EXT2: variants seen among roughly 807,000 people sequenced by gnomAD.
EXT2 encodes the protein exostosin-2.
In EXT2, 53 loss-of-function variants were observed where a neutral mutation model predicts 81.6. The ratio of observed to expected loss-of-function variants is 0.65; its 90% CI spans 0.52 to 0.82. The LOEUF is 0.82. Ranked by LOEUF, EXT2 falls within the 40% of genes least tolerant of loss-of-function variation. The probability of loss-of-function intolerance (pLI) is 0.00; values close to 1 mark genes in which losing one functional copy is unlikely to be tolerated. For missense variants in EXT2, 774 were observed against 910.2 expected (o/e 0.85, Z 1.93); for synonymous variants, 320 against 340.0 (o/e 0.94, Z 0.65).
At chr11:44,210,516 C>A (rs1435104970) in intron 10 of EXT2, among the ~76,000 whole-genome samples, 1 of 151,992 alleles carries the variant, frequency 6.6e-6, no homozygotes, top group Non-Finnish European at 1.5e-5. Flanking sequence ...CTGTAAAGGG[C>A]AGGAGGGACG....
intron 2 of EXT2, 41 bp from the exon 3 acceptor site, chr11:44,109,153 G>A (rs1467742516): frequency 3.1e-6 from 5 of 1,601,418 alleles, no homozygotes; most frequent in African/African-American, 1.3e-5. Context: ...TCTTTTCATA[G>A]TTGACACATT....
At chr11:44,195,786 T>C (rs966745481) in intron 8 of EXT2, among the ~76,000 whole-genome samples, 2 of 152,218 alleles carry the variant, frequency 1.3e-5, no homozygotes, top group African/African-American at 4.8e-5. Context: ...CTCAGCCACC[T>C]TCTGGCAAAG....
intron 8 of EXT2, among the ~76,000 whole-genome samples, chr11:44,179,859 C>A (rs1955210555): frequency 6.6e-6 from 1 of 151,854 alleles, no homozygotes; most frequent in South Asian, 2.1e-4. Context: ...TTTTGTGTCT[C>A]CCAATTGATT....
At chr11:44,101,825 A>G (rs183417740) in intron 1 of EXT2, among the ~76,000 whole-genome samples, 2 of 152,214 alleles carry the variant, frequency 1.3e-5, no homozygotes, top group African/African-American at 4.8e-5. Context: ...CATAGTGCCC[A>G]GAATGGGCAG....
intron 13 of EXT2, among the ~76,000 whole-genome samples, chr11:44,243,203 T>G (rs1956056644): frequency 6.6e-6 from 1 of 152,204 alleles, no homozygotes; most frequent in African/African-American, 2.4e-5. Context: ...TGAGGTCCCC[T>G]TGACTTCAAA....
In EXT2 at chr11:44,232,442, T is replaced by C; in HGVS notation, c.1752T>C (p.Ser584=). 1 of 1,614,076 alleles carries C rather than the reference T, an allele frequency of 6.2e-7. No homozygotes were observed. The highest frequency in any genetic ancestry group is 8.5e-7 in the Non-Finnish European group (1 of 1,179,970). Residue 584 remains serine (S), a synonymous_variant, in exon 11 of 14, where the codon TCT becomes TCC. Transcript: ENST00000533608. ...DHEMNKWKYE[S]EWTNEVSMVL... is the part of the protein sequence containing the mutation. Reference sequence around the variant, plus strand: ...AGATGAATAAGTGGAAGTATGAGTCTGAGTGGACGAATGAAGTGTCCATGG... The same window carrying C: ...AGATGAATAAGTGGAAGTATGAGTCCGAGTGGACGAATGAAGTGTCCATGG...
In EXT2 at chr11:44,245,484, G is replaced by A. The variant is rs4755793; in HGVS notation, c.*1197G>A. ...AGTTGATGAACAAATCTACCCTGGC[G>A]AATGTTAAATGTTATGGATTCGAAA... is the stretch of plus-strand genomic sequence containing the variant. On this transcript the variant is annotated 3_prime_UTR_variant, in exon 14 of 14. Coordinates refer to ENST00000533608, the MANE Select transcript of EXT2 (RefSeq NM_207122.2). The A allele has an allele frequency of 0.9, 164,600 of 181,898 alleles. 74,575 individuals carry two copies. Among genetic ancestry groups the A allele is most frequent in the East Asian group, 0.99 (11,077 of 11,152 alleles). The allele number at this position is 181,898 out of a possible 1,614,324, so 11.3% of individuals were successfully genotyped here.
intron 7 of EXT2, among the ~76,000 whole-genome samples, chr11:44,152,202 C>T (rs956409524): frequency 1.3e-5 from 2 of 152,154 alleles, no homozygotes; most frequent in South Asian, 2.1e-4. Context: ...TGTTGCACAT[C>T]AGGAGTGTTT....
chr11:44,211,518 C>G (rs771355922), intron 10 of EXT2, among the ~76,000 whole-genome samples: 12 of 151,988 alleles, frequency 7.9e-5, no homozygotes, highest in Non-Finnish European at 1.8e-4. Context: ...ATCTAGAGGG[C>G]AGGCACAAAA....
At chr11:44,190,784 G>C (rs928362840) in intron 8 of EXT2, among the ~76,000 whole-genome samples, 2 of 152,166 alleles carry the variant, frequency 1.3e-5, no homozygotes, top group Non-Finnish European at 2.9e-5. Context: ...GCTAGCAAAG[G>C]CCACCCGTTT....
chr11:44,174,910 G>T (rs1955137168), intron 8 of EXT2, among the ~76,000 whole-genome samples: 1 of 152,194 alleles, frequency 6.6e-6, no homozygotes, highest in South Asian at 2.1e-4. Flanking sequence ...GTTCAGTGTG[G>T]CAACAGTGAA....
chr11:44,134,396 G>A (rs1392047449), intron 7 of EXT2, among the ~76,000 whole-genome samples: 3 of 152,178 alleles, frequency 2.0e-5, no homozygotes, highest in East Asian at 1.9e-4. Context: ...AGATGATGCC[G>A]ATATTTCTAG....
At chr11:44,207,090 A>C in intron 10 of EXT2, 131 bp downstream of exon 10, 1 of 1,027,460 alleles carries the variant, frequency 9.7e-7, no homozygotes, top group Non-Finnish European at 1.5e-6. Context: ...TAGAGTCCAA[A>C]AGGTGTGCGT....
chr11:44,199,613 G>C (rs138101402), intron 9 of EXT2, among the ~76,000 whole-genome samples: 14 of 152,252 alleles, frequency 9.2e-5, no homozygotes, highest in Non-Finnish European at 2.1e-4. Flanking sequence ...TGCAAAAGAG[G>C]CTTCTCCTTA....
chr11:44,135,477 T>A (rs1468001740), intron 7 of EXT2, among the ~76,000 whole-genome samples: 1 of 151,376 alleles, frequency 6.6e-6, no homozygotes, highest in Non-Finnish European at 1.5e-5. Context: ...CTGCAACCTC[T>A]GCCTCCTGGG....
intron 8 of EXT2, among the ~76,000 whole-genome samples, chr11:44,196,088 A>G (rs542499635): frequency 6.6e-6 from 1 of 152,318 alleles, no homozygotes; most frequent in African/African-American, 2.4e-5. Context: ...TTGCTGTATT[A>G]AAAGTACTTA....
intron 1 of EXT2, chr11:44,096,138 C>T: frequency 2.0e-6 from 2 of 1,011,512 alleles, no homozygotes; most frequent in Non-Finnish European, 3.0e-6. Context: ...CAACCTTCGC[C>T]CCCAGTCCGC....
chr11:44,125,021 A>G, intron 5 of EXT2, 37 bp downstream of exon 5: 1 of 1,603,186 alleles, frequency 6.2e-7, no homozygotes, highest in South Asian at 1.1e-5. Context: ...AAGGCTCAGG[A>G]GAGTTTGCTT....
chr11:44,191,952 C>T (rs1196638536), intron 8 of EXT2, among the ~76,000 whole-genome samples: 1 of 152,126 alleles, frequency 6.6e-6, no homozygotes. Flanking sequence ...ATAACGGTAG[C>T]CATGTCAATT....
Sources: gnomAD v4.1 joint callset for allele counts (sites outside exome capture counted in the v4.1 genomes callset) on GRCh38, gnomAD v4.1.1 for gene constraint, MANE v1.5 for transcripts, NCBI Gene and HGNC (gene_info 2026-07-23, HGNC 2026-07-21) for gene names.